LCA5: variants seen among roughly 807,000 people sequenced by gnomAD.
LCA5 encodes lebercilin.
LCA5 carries 37 observed loss-of-function variants against 53.0 expected under a neutral mutation model. That is an observed-to-expected ratio of 0.70 (90% CI 0.54 to 0.92). The LOEUF is 0.92. Among genes scored for constraint, LCA5 ranks in the 40% least tolerant of loss-of-function variants. The pLI is 0.00. For missense variants in LCA5, 806 were observed against 790.5 expected (o/e 1.02, Z -0.23); for synonymous variants, 303 against 282.9 (o/e 1.07, Z -0.71).
intron 1 of LCA5, among the ~76,000 whole-genome samples, chr6:79,527,523 G>A (rs527824003): frequency 6.6e-6 from 1 of 152,272 alleles, no homozygotes; most frequent in South Asian, 2.1e-4. Flanking sequence ...AGGCAAATAA[G>A]TATCTTTGCC....
chr6:79,517,819 G>A (rs938295167), intron 2 of LCA5, among the ~76,000 whole-genome samples: 1 of 151,850 alleles, frequency 6.6e-6, no homozygotes, highest in Non-Finnish European at 1.5e-5. Context: ...CTAACTATTC[G>A]CCACAAAAAC....
At chr6:79,501,989 C>T (rs867302347) in intron 3 of LCA5, among the ~76,000 whole-genome samples, 7 of 151,884 alleles carry the variant, frequency 4.6e-5, no homozygotes, top group Non-Finnish European at 8.8e-5. Context: ...CTAAGCAGGG[C>T]AGTGGGGGGA....
chr6:79,516,725 T>A (rs1415035271), intron 2 of LCA5, among the ~76,000 whole-genome samples: 1 of 151,956 alleles, frequency 6.6e-6, no homozygotes, highest in East Asian at 1.9e-4. Context: ...GTTGTATATA[T>A]CATTCTTCAT....
intron 1 of LCA5, among the ~76,000 whole-genome samples, chr6:79,526,915 C>G (rs1269664930): frequency 6.6e-6 from 1 of 152,110 alleles, no homozygotes; most frequent in African/African-American, 2.4e-5. Context: ...CTATGGAAAC[C>G]AAGGATCAAT....
intron 1 of LCA5, among the ~76,000 whole-genome samples, chr6:79,530,994 C>T (rs1355937499): frequency 6.6e-6 from 1 of 152,116 alleles, no homozygotes; most frequent in African/African-American, 2.4e-5. Context: ...AACAATTTAT[C>T]ACTGGACAGG....
upstream of LCA5, among the ~76,000 whole-genome samples, chr6:79,537,617 A>T (rs1767193996): frequency 6.6e-6 from 1 of 152,164 alleles, no homozygotes; most frequent in South Asian, 2.1e-4. Context: ...AATTGGGGCA[A>T]AACGCGGAGC....
At chr6:79,509,604 A>C (rs1179032319) in intron 3 of LCA5, among the ~76,000 whole-genome samples, 2 of 152,182 alleles carry the variant, frequency 1.3e-5, no homozygotes, top group Non-Finnish European at 2.9e-5. Context: ...AAAACTTGGG[A>C]GTAAATTTAT....
At chr6:79,500,399 CTTCAT>C (rs1770105960) in intron 3 of LCA5, among the ~76,000 whole-genome samples, 2 of 151,750 alleles carry the variant, frequency 1.3e-5, no homozygotes, top group African/African-American at 4.8e-5. Context: ...GTTATTTTAC[CTTCAT>C]TTATTTTTTA....
intron 1 of LCA5, among the ~76,000 whole-genome samples, chr6:79,532,628 G>C (rs1167343668): frequency 2.6e-5 from 4 of 152,088 alleles, no homozygotes; most frequent in Non-Finnish European, 4.4e-5. Flanking sequence ...CACAAAAGTG[G>C]TTCCTTCTCT....
In LCA5 at chr6:79,518,921, A is replaced by G. The variant is rs769384141; in HGVS notation, c.-27T>C. 1.2e-6 allele frequency: 2 copies of G among 1,606,348 alleles called. No homozygotes were observed. The highest frequency in any genetic ancestry group is 1.7e-6 in the Non-Finnish European group (2 of 1,172,962). ...GTTTTGAAAAATGGTCTCTATTCAC[A>G]TAATTTCACAGATTATTTTCTCCAG... On this transcript the variant is annotated 5_prime_UTR_variant, in exon 2 of 8. An upstream start codon of the reference 5' UTR is lost. Transcript: ENST00000369846.
At chr6:79,513,161 C>A (rs780002535) in intron 3 of LCA5, 51 bp downstream of exon 3, 1 of 1,528,372 alleles carries the variant, frequency 6.5e-7, no homozygotes, top group East Asian at 2.3e-5. Flanking sequence ...CATTAAATGC[C>A]CAATGAGAAA....
At chr6:79,514,927 G>A (rs1312247469) in intron 2 of LCA5, among the ~76,000 whole-genome samples, 1 of 151,896 alleles carries the variant, frequency 6.6e-6, no homozygotes, top group Non-Finnish European at 1.5e-5. Flanking sequence ...CCTAATGCCT[G>A]GGTGATGAAA....
rs576232451 is a variant in LCA5, at chr6:79,492,455, A to G, written c.955+96T>C. On this transcript the variant is annotated intron_variant, in intron 5 of 7. Transcript: ENST00000369846. Reference sequence around the variant, plus strand: ...ATACATTTATTTTAAATATATTTCAATGAGGTTCTTTTCCTTCCCTTCCAT... The same window carrying G: ...ATACATTTATTTTAAATATATTTCAGTGAGGTTCTTTTCCTTCCCTTCCAT... 6.7e-4 allele frequency: 386 copies of G among 574,646 alleles called. 5 individuals are homozygous for G. The South Asian group carries it at 8.7e-3, about 13-fold the overall frequency. The allele number at this position is 574,646 out of a possible 1,614,324, so 35.6% of individuals were successfully genotyped here. A position where few individuals can be genotyped will look rare whatever the true frequency, so the allele number is the denominator to read the frequency against.
At chr6:79,531,208 C>T (rs1478898881) in intron 1 of LCA5, among the ~76,000 whole-genome samples, 1 of 152,150 alleles carries the variant, frequency 6.6e-6, no homozygotes, top group Non-Finnish European at 1.5e-5. Context: ...AAGCCACCTC[C>T]ACCTGTATCT....
At chr6:79,507,967 C>T (rs1412315423) in intron 3 of LCA5, among the ~76,000 whole-genome samples, 27 of 152,128 alleles carry the variant, frequency 1.8e-4, no homozygotes, top group Admixed American at 1.8e-3. Context: ...AACCTGGTGC[C>T]ATTCCTGTGG....
At chr6:79,502,069 C>G (rs1301930950) in intron 3 of LCA5, among the ~76,000 whole-genome samples, 1 of 152,136 alleles carries the variant, frequency 6.6e-6, no homozygotes, top group Non-Finnish European at 1.5e-5. Context: ...AGATTTTCAT[C>G]AAGCTCACTG....
chr6:79,524,845 A>T (rs188755646), intron 1 of LCA5, among the ~76,000 whole-genome samples: 2 of 152,192 alleles, frequency 1.3e-5, no homozygotes, highest in African/African-American at 4.8e-5. Context: ...TCAATCTGGA[A>T]ATCTGTATCT....
chr6:79,491,445 C>T, intron 6 of LCA5, 143 bp downstream of exon 6: 1 of 830,160 alleles, frequency 1.2e-6, no homozygotes, highest in Non-Finnish European at 1.9e-6. Flanking sequence ...ATACACGATA[C>T]CTCTTTCCCT....
chr6:79,537,825 A>G (rs1181610503), upstream of LCA5, among the ~76,000 whole-genome samples: 1 of 152,064 alleles, frequency 6.6e-6, no homozygotes, highest in African/African-American at 2.4e-5. Context: ...ACAAATTACA[A>G]ACAAACTGCT....
Sources: allele counts gnomAD v4.1 joint callset (sites outside exome capture counted in the v4.1 genomes callset), GRCh38; gene constraint gnomAD v4.1.1; transcripts MANE v1.5; gene names NCBI Gene and HGNC (gene_info 2026-07-23, HGNC 2026-07-21).